The following LRRC37A3 variants were observed in gnomAD, a reference collection of about 807,000 sequenced individuals.
The protein encoded by LRRC37A3 is leucine-rich repeat-containing protein 37A3.
LRRC37A3 carries 25 observed loss-of-function variants against 106.2 expected under a neutral mutation model. The observed-to-expected ratio is 0.24, with a 90% CI of 0.17 to 0.33. The LOEUF is 0.33. LRRC37A3 is among the 10% of genes least tolerant of loss of function. The pLI, the probability that LRRC37A3 is intolerant of heterozygous loss-of-function variation, is 1.00. For missense variants in LRRC37A3, 712 were observed against 1,644.9 expected (o/e 0.43, Z 9.81); for synonymous variants, 305 against 635.8 (o/e 0.48, Z 7.83).
intron 2 of LRRC37A3, among the ~76,000 whole-genome samples, chr17:64,916,030 G>A (rs1003959042): frequency 8.5e-5 from 13 of 152,126 alleles, no homozygotes; most frequent in African/African-American, 3.1e-4. Flanking sequence ...TGAACCTGGG[G>A]TCGAGGGGAA....
At chr17:64,917,181 G>A (rs1974723095) in intron 2 of LRRC37A3, among the ~76,000 whole-genome samples, 1 of 144,956 alleles carries the variant, frequency 6.9e-6, no homozygotes, top group Non-Finnish European at 1.5e-5. Flanking sequence ...GGGAGGCGGA[G>A]CTTGCAGTGA....
chr17:64,857,014 A>G (rs1402692229), intron 13 of LRRC37A3, among the ~76,000 whole-genome samples: 1 of 151,982 alleles, frequency 6.6e-6, no homozygotes, highest in Non-Finnish European at 1.5e-5. Flanking sequence ...GAAAGGAAAA[A>G]GGAAAAGGGA....
chr17:64,878,052 C>CTCTTATCATGGGAGTAA (rs1307256098), intron 8 of LRRC37A3, among the ~76,000 whole-genome samples: 2 of 152,074 alleles, frequency 1.3e-5, no homozygotes, highest in African/African-American at 4.8e-5. Context: ...AATGATAAGA[C>CTCTTATCATGGGAGTAA]TCTTACACAA....
chr17:64,870,250 C>G (rs1973268822), intron 8 of LRRC37A3, among the ~76,000 whole-genome samples: 1 of 151,992 alleles, frequency 6.6e-6, no homozygotes, highest in Admixed American at 6.6e-5. Flanking sequence ...GCCACCATGC[C>G]CTGTCATCCC....
chr17:64,868,460 A>T lies in LRRC37A3; in HGVS notation c.3053+2T>A. On this transcript the variant is annotated splice_donor_variant, in intron 10 of 14. Transcript: ENST00000584306. LOFTEE classifies it high-confidence loss of function. ...AATAAATCTCGGAAAAAAATAACTT[A>T]CAGTTTTTCCAGTTCAACAGTCATC... 6.2e-7 allele frequency: 1 copy of T among 1,610,442 alleles called. No homozygotes were observed. Among genetic ancestry groups the T allele is most frequent in the Non-Finnish European group, 8.5e-7 (1 of 1,178,960 alleles).
rs527556036 is a variant in LRRC37A3, at chr17:64,860,438, C to T, written c.3708G>A (p.Ser1236=). Residue 1236 remains serine, a synonymous_variant, in exon 12 of 15, where the codon TCG becomes TCA. Transcript: ENST00000584306. ...CTGCTGCCTTATGCTCTTGGGTGAA[C>T]GAAGGCTTGGTGTAGACGGCGTTTC... is the stretch of plus-strand genomic sequence containing the variant. The part of the protein sequence containing the change: ...LAGNAVYTKP[S]FTQEHKAAVS... 84 of 1,613,900 alleles carry T rather than the reference C, an allele frequency of 5.2e-5. No individual in the cohort carries two copies. The highest frequency in any genetic ancestry group is 1.7e-4 in the Middle Eastern group (1 of 6,042).
In LRRC37A3 at chr17:64,854,590, G is replaced by A; in HGVS notation, c.*9C>T. The A allele has an allele frequency of 6.2e-7, 1 of 1,613,916 alleles. No homozygotes were observed. Among genetic ancestry groups the A allele is most frequent in the Non-Finnish European group, 8.5e-7 (1 of 1,179,872 alleles). On this transcript the variant is annotated 3_prime_UTR_variant, in exon 15 of 15. Coordinates refer to ENST00000584306, the MANE Select transcript of LRRC37A3 (RefSeq NM_199340.5). Reference sequence around the variant, plus strand: ...TTGCAGGAGGCCTGAGGTGGGCTGGGTTCTCCTCCTATGGCAGGGCTTCAC... The same window carrying A: ...TTGCAGGAGGCCTGAGGTGGGCTGGATTCTCCTCCTATGGCAGGGCTTCAC...
intron 11 of LRRC37A3, among the ~76,000 whole-genome samples, chr17:64,862,008 C>T (rs1972891193): frequency 6.6e-6 from 1 of 151,742 alleles, no homozygotes; most frequent in Admixed American, 6.6e-5. Context: ...TAGGCTACAG[C>T]ACTTAGCACC....
At chr17:64,877,875 G>C (rs1447621825) in intron 8 of LRRC37A3, among the ~76,000 whole-genome samples, 2 of 151,534 alleles carry the variant, frequency 1.3e-5, no homozygotes, top group Non-Finnish European at 2.9e-5. Flanking sequence ...ATTGATTTTT[G>C]ACAAGGGTGC....
intron 2 of LRRC37A3, among the ~76,000 whole-genome samples, chr17:64,915,092 C>CTT (rs1468184094): frequency 6.6e-6 from 1 of 152,004 alleles, no homozygotes; most frequent in African/African-American, 2.4e-5. Context: ...TCAACAATAA[C>CTT]TTAGTGTATA....
chr17:64,855,760 T>A (rs1598385829), intron 14 of LRRC37A3, 80 bp downstream of exon 14: 13 of 1,599,074 alleles, frequency 8.1e-6, no homozygotes, highest in East Asian at 2.3e-5. Context: ...CGAGATCGCG[T>A]CATTGCACTC....
At chr17:64,917,774 C>T (rs1974739103) in intron 2 of LRRC37A3, among the ~76,000 whole-genome samples, 1 of 151,714 alleles carries the variant, frequency 6.6e-6, no homozygotes, top group Non-Finnish European at 1.5e-5. Context: ...CAAGACCAGC[C>T]TGGCCAACAT....
chr17:64,881,246 T>C, intron 8 of LRRC37A3: 1 of 699,482 alleles, frequency 1.4e-6, no homozygotes, highest in Non-Finnish European at 2.6e-6. Flanking sequence ...TCTTTTCTTT[T>C]CTTTTCTTTT....
Position 64,860,906 on chromosome 17 carries a change from G to A in LRRC37A3, c.3240C>T (p.Tyr1080=), listed in dbSNP as rs1469241105. Residue 1080 remains tyrosine (Y), a synonymous_variant, in exon 12 of 15, where the codon TAC becomes TAT. Coordinates refer to ENST00000584306, the MANE Select transcript of LRRC37A3 (RefSeq NM_199340.5). ...GCTCAATAATCAGCTCAGTGCTTGTGTAATTCTTCCGGGCTTGTAACACCT... is the reference window on the plus strand; with the variant it reads ...GCTCAATAATCAGCTCAGTGCTTGTATAATTCTTCCGGGCTTGTAACACCT... ...FMKVLQARKN[Y]TSTELIIEPE... is the part of the protein sequence containing the mutation. The A allele has an allele frequency of 6.2e-7, 1 of 1,614,168 alleles. No homozygotes were observed. The highest frequency in any genetic ancestry group is 1.1e-5 in the South Asian group (1 of 91,092).
intron 8 of LRRC37A3, among the ~76,000 whole-genome samples, chr17:64,884,365 T>A (rs1214030185): frequency 3.3e-5 from 5 of 151,478 alleles, no homozygotes; most frequent in East Asian, 1.9e-4. Flanking sequence ...TTATTATTAT[T>A]ATATTATTAT....
At position 64,864,177 on chromosome 17, in the gene LRRC37A3, A is replaced by AAAC. The variant is rs887643125; in HGVS notation, c.3054-1162_3054-1160dup. Among the ~76,000 whole-genome samples the AAAC allele has an allele frequency of 8.7e-4, 133 of 152,256 alleles. 1 individual carries two copies. Among genetic ancestry groups the AAAC allele is most frequent in the African/African-American group, 3.1e-3 (129 of 41,546 alleles). On this transcript the variant is annotated intron_variant, in intron 10 of 14. Coordinates refer to ENST00000584306, the MANE Select transcript of LRRC37A3 (RefSeq NM_199340.5). ...GGAAGATCACCTTAGTCAAGTGATC[A>AAAC]AACTTAGTATTACAGGCCATCTGCG...
rs547314394 is a variant in LRRC37A3, at chr17:64,896,759, T to A, written c.499A>T (p.Ile167Leu). 2.6e-5 allele frequency: 42 copies of A among 1,605,816 alleles called. No individual in the cohort carries two copies. The East Asian group carries it at 4.7e-4, about 18-fold the overall frequency. Residue 167 changes from isoleucine (I) to leucine (L), a missense_variant, in exon 4 of 15, where the codon ATA becomes TTA. Ile to Leu is a conservative substitution (Grantham distance 5, BLOSUM62 2). Coordinates refer to ENST00000584306, the MANE Select transcript of LRRC37A3 (RefSeq NM_199340.5). ...CTCTGAGGTGTGGATAATTGGTGTA[T>A]AATTCCAATAATCTCAGCAAGGCTC... is the stretch of plus-strand genomic sequence containing the variant. ...RWSLAEIIGI[I>L]HQLSTPQSQK...
intron 2 of LRRC37A3, among the ~76,000 whole-genome samples, chr17:64,917,264 A>C (rs995903911): frequency 7.9e-5 from 12 of 151,258 alleles, no homozygotes; most frequent in African/African-American, 2.2e-4. Context: ...AAAAAAAAAA[A>C]AAAAAACCTG....
In LRRC37A3 at chr17:64,860,896, C is replaced by T. The variant is rs779686822; in HGVS notation, c.3250G>A (p.Glu1084Lys). 8.7e-6 allele frequency: 14 copies of T among 1,614,036 alleles called. No homozygotes were observed. The African/African-American group carries it at 1.9e-4, about 22-fold the overall frequency. ...LQARKNYTSTELIIEPEEPSD... is the reference protein window; with the variant it reads ...LQARKNYTSTKLIIEPEEPSD... ...GGCTCCTCCGGCTCAATAATCAGCT[C>T]AGTGCTTGTGTAATTCTTCCGGGCT... Residue 1084 changes from glutamate (E) to lysine (K), a missense_variant, in exon 12 of 15, where the codon GAG becomes AAG. Glu to Lys is a moderately conservative substitution (Grantham distance 56). Transcript: ENST00000584306.
Sources: gnomAD v4.1 joint callset for allele counts (sites outside exome capture counted in the v4.1 genomes callset) on GRCh38, gnomAD v4.1.1 for gene constraint, MANE v1.5 for transcripts, NCBI Gene and HGNC (gene_info 2026-07-23, HGNC 2026-07-21) for gene names.